SLC7A2: variants seen among roughly 807,000 people sequenced by gnomAD.
SLC7A2 encodes cationic amino acid transporter 2.
A neutral mutation model predicts 58.9 loss-of-function variants in SLC7A2; 48 were observed. That is an observed-to-expected ratio of 0.82 (90% CI 0.65 to 1.04). SLC7A2 has a LOEUF of 1.04. SLC7A2 is among the 50% of genes least tolerant of loss of function. SLC7A2 has a pLI of 0.00. For missense variants in SLC7A2, 1,029 were observed against 818.8 expected (o/e 1.26, Z -3.13); for synonymous variants, 363 against 314.5 (o/e 1.15, Z -1.63).
In SLC7A2 at chr8:17,568,688, G is replaced by A. The variant is rs1440886071; in HGVS notation, c.*3542G>A. 6.6e-6 allele frequency: 1 copy of A among 152,126 alleles called. No individual in the cohort carries two copies. Among genetic ancestry groups the A allele is most frequent in the Non-Finnish European group, 1.5e-5 (1 of 68,040 alleles). 9.4% of individuals were successfully genotyped at this position (152,126 alleles called of 1,614,324 possible). A position where few individuals can be genotyped will look rare whatever the true frequency, so the allele number is the denominator to read the frequency against. ...TTAAAAAAATTTTAAGGCCAGGCAT[G>A]GTGGCTCGCTCACACCTATAATCCT... On this transcript the variant is annotated 3_prime_UTR_variant, in exon 13 of 13. Coordinates refer to ENST00000494857, the MANE Select transcript of SLC7A2 (RefSeq NM_001370338.1).
Position 17,544,569 on chromosome 8 carries a change from C to T in SLC7A2, c.495C>T (p.Pro165=), listed in dbSNP as rs369650180. The T allele has an allele frequency of 2.4e-5, 39 of 1,613,762 alleles. No individual in the cohort carries two copies. The highest frequency in any genetic ancestry group is 1.6e-4 in the Middle Eastern group (1 of 6,082). Residue 165 remains proline, a synonymous_variant, in exon 4 of 13, where the codon CCC becomes CCT. Transcript: ENST00000494857. ...ATTACACTGGTCTTGCAGAATATCC[C>T]GATTTTTTTGCTGTGTGCCTTATAT... ...RMNYTGLAEY[P]DFFAVCLILL... is the part of the protein sequence containing the mutation.
chr8:17,559,310 G>A (rs531798786), intron 9 of SLC7A2, among the ~76,000 whole-genome samples: 1 of 152,110 alleles, frequency 6.6e-6, no homozygotes, highest in South Asian at 2.1e-4. Context: ...GTTCCACAGG[G>A]CTGGAGAGGC....
chr8:17,551,528 C>T (rs1802448931), intron 6 of SLC7A2, among the ~76,000 whole-genome samples: 3 of 151,960 alleles, frequency 2.0e-5, no homozygotes, highest in Admixed American at 6.6e-5. Flanking sequence ...ACCTGGGAGG[C>T]GTGAGGTTGC....
chr8:17,540,736 T>C (rs1006120071), intron 2 of SLC7A2, among the ~76,000 whole-genome samples: 1 of 152,176 alleles, frequency 6.6e-6, no homozygotes, highest in Non-Finnish European at 1.5e-5. Context: ...TCGACTTGCT[T>C]ATTCTTTTAT....
In SLC7A2 at chr8:17,551,829, T is replaced by C. The variant is rs1802465006; in HGVS notation, c.898T>C (p.Phe300Leu). The change falls in exon 7 of 13, where the codon TTT becomes CTT. Residue 300 changes from phenylalanine (F) to leucine (L), a missense_variant. Transcript: ENST00000494857. Reference protein sequence around the residue: ...IGIVTSLLVCFMAYFGVSAAL... With the variant: ...IGIVTSLLVCLMAYFGVSAAL... Reference sequence around the variant, plus strand: ...AATTGTGACGTCTTTGCTTGTTTGCTTTATGGCCTATTTTGGGGTCTCTGC... The same window carrying C: ...AATTGTGACGTCTTTGCTTGTTTGCCTTATGGCCTATTTTGGGGTCTCTGC... 7 of 1,613,924 alleles carry C rather than the reference T, an allele frequency of 4.3e-6. No individual in the cohort carries two copies. The highest frequency in any genetic ancestry group is 5.9e-6 in the Non-Finnish European group (7 of 1,180,012).
chr8:17,522,121 G>T (rs1000274336), intron 2 of SLC7A2, among the ~76,000 whole-genome samples: 2 of 152,176 alleles, frequency 1.3e-5, no homozygotes, highest in East Asian at 3.9e-4. Flanking sequence ...TTTTAAAAAA[G>T]TTTAATGGAC....
rs1585278663 is a variant in SLC7A2, at chr8:17,564,946, A to G, written c.1781-4A>G. 2 of 1,570,472 alleles carry G rather than the reference A, an allele frequency of 1.3e-6. No homozygotes were observed. Among genetic ancestry groups the G allele is most frequent in the Non-Finnish European group, 1.7e-6 (2 of 1,162,760 alleles). On this transcript the variant is annotated splice_region_variant and splice_polypyrimidine_tract_variant and intron_variant, in intron 12 of 12. Coordinates refer to ENST00000494857, the MANE Select transcript of SLC7A2 (RefSeq NM_001370338.1). ...ATTGATTTTTTTTTTTCCTGCCCCA[A>G]CAGGCTTCCTGATTTACTTTTCTTA...
At position 17,537,181 on chromosome 8, in the gene SLC7A2, C is replaced by T. The variant is rs189789202; in HGVS notation, c.-22-6137C>T. Reference sequence around the variant, plus strand: ...AAGCAATTCTCCTGCCTTAGCCTCCCGAGTAGCTGGGATTACAGGCACGTA... The same window carrying T: ...AAGCAATTCTCCTGCCTTAGCCTCCTGAGTAGCTGGGATTACAGGCACGTA... On this transcript the variant is annotated intron_variant, in intron 2 of 12. Coordinates refer to ENST00000494857, the MANE Select transcript of SLC7A2 (RefSeq NM_001370338.1). 2.6e-3 allele frequency among the ~76,000 whole-genome samples: 402 copies of T among 152,306 alleles called. 6 individuals carry two copies. Among genetic ancestry groups the T allele is most frequent in the Non-Finnish European group, 3.6e-3 (242 of 68,032 alleles).
In SLC7A2 at chr8:17,550,283, G is replaced by A. The variant is rs761942861; in HGVS notation, c.699-18G>A. On this transcript the variant is annotated intron_variant, in intron 5 of 12. Transcript: ENST00000494857. ...TTCTGTCAAAGTGACTTTCCAATGT[G>A]TTTGTTCTCTTTCTTAGAGAGCCAC... 6.2e-7 allele frequency: 1 copy of A among 1,612,426 alleles called. No homozygotes were observed. The highest frequency in any genetic ancestry group is 8.5e-7 in the Non-Finnish European group (1 of 1,179,174).
At chr8:17,542,747 A>C (rs1563463621) in intron 2 of SLC7A2, among the ~76,000 whole-genome samples, 1 of 152,156 alleles carries the variant, frequency 6.6e-6, no homozygotes, top group Non-Finnish European at 1.5e-5. Context: ...CCTTGTAGTG[A>C]GAATGAAATT....
intron 6 of SLC7A2, among the ~76,000 whole-genome samples, chr8:17,550,668 G>A (rs766965802): frequency 1.3e-5 from 2 of 152,132 alleles, no homozygotes; most frequent in Non-Finnish European, 2.9e-5. Context: ...CAAATAGTAG[G>A]AAGATTACCT....
At chr8:17,544,363 A>G in intron 3 of SLC7A2, 88 bp from the exon 4 acceptor site, 3 of 1,115,308 alleles carry the variant, frequency 2.7e-6, no homozygotes, top group Non-Finnish European at 1.3e-6. Context: ...TCTTTTGTGA[A>G]CTCATGTTTA....
At chr8:17,516,233 A>AT (rs11376359) in intron 2 of SLC7A2, among the ~76,000 whole-genome samples, 12 of 150,336 alleles carry the variant, frequency 8.0e-5, no homozygotes, top group African/African-American at 1.2e-4. Flanking sequence ...TAATTAATTA[A>AT]TTTTTTTTTT....
intron 2 of SLC7A2, among the ~76,000 whole-genome samples, chr8:17,534,494 G>A (rs566885416): frequency 1.3e-5 from 2 of 152,138 alleles, no homozygotes; most frequent in South Asian, 4.2e-4. Flanking sequence ...CTCAGAGATC[G>A]AATCTTCAGT....
At chr8:17,538,667 T>G (rs1801776416) in intron 2 of SLC7A2, 1 of 706,328 alleles carries the variant, frequency 1.4e-6, no homozygotes, top group Admixed American at 3.6e-5. Context: ...ACTTTAACAT[T>G]GTAGAAACGT....
chr8:17,499,913 G>C (rs2150634999), intron 1 of SLC7A2: 1 of 152,278 alleles, frequency 6.6e-6, no homozygotes, highest in South Asian at 2.1e-4. Context: ...ACCTAATATA[G>C]TATGTGTCAC....
intron 2 of SLC7A2, 99 bp from the exon 3 acceptor site, chr8:17,543,217 AAC>A (rs1243072765): frequency 3.2e-3 from 2,375 of 742,576 alleles, no homozygotes; most frequent in Admixed American, 4.3e-3. Context: ...CACACACACA[AAC>A]ACACACACAC....
intron 1 of SLC7A2, among the ~76,000 whole-genome samples, chr8:17,501,190 T>C (rs1402744252): frequency 6.6e-6 from 1 of 152,002 alleles, no homozygotes; most frequent in East Asian, 1.9e-4. Context: ...CTTTTTGTAA[T>C]TTTAGTATAG....
At chr8:17,508,490 A>G (rs1389449292) in intron 2 of SLC7A2, among the ~76,000 whole-genome samples, 2 of 152,170 alleles carry the variant, frequency 1.3e-5, no homozygotes, top group Non-Finnish European at 2.9e-5. Context: ...TTGGGAGGCC[A>G]AGGCAGGCAG....
Sources: gnomAD v4.1 joint callset for allele counts (sites outside exome capture counted in the v4.1 genomes callset) on GRCh38, gnomAD v4.1.1 for gene constraint, MANE v1.5 for transcripts, NCBI Gene and HGNC (gene_info 2026-07-23, HGNC 2026-07-21) for gene names.